The following MELK variants were observed in gnomAD, a reference collection of about 807,000 sequenced individuals.
MELK encodes the protein maternal embryonic leucine zipper kinase.
A neutral mutation model predicts 85.0 loss-of-function variants in MELK; 81 were observed. The ratio of observed to expected loss-of-function variants is 0.95; its 90% confidence interval spans 0.80 to 1.15. MELK has a LOEUF of 1.15. Among genes scored for constraint, MELK ranks in the 50% most tolerant of loss-of-function variants. The pLI is 0.00. For missense variants in MELK, 754 were observed against 777.5 expected (o/e 0.97, Z 0.36); for synonymous variants, 252 against 265.0 (o/e 0.95, Z 0.48).
chr9:36,634,109 A>G (rs1828890471), intron 10 of MELK, among the ~76,000 whole-genome samples: 1 of 152,372 alleles, frequency 6.6e-6, no homozygotes, highest in East Asian at 1.9e-4. Context: ...GAGTTATGCA[A>G]ATCTTCCAAA....
intron 11 of MELK, among the ~76,000 whole-genome samples, chr9:36,644,340 A>G (rs938656404): frequency 5.3e-5 from 8 of 151,950 alleles, no homozygotes; most frequent in African/African-American, 1.9e-4. Context: ...TATGTCTTCT[A>G]TCACCTGTGA....
intron 4 of MELK, among the ~76,000 whole-genome samples, chr9:36,593,505 G>C (rs1823856739): frequency 6.6e-6 from 1 of 152,152 alleles, no homozygotes; most frequent in Non-Finnish European, 1.5e-5. Context: ...CTTGATGTTA[G>C]ACTTCCCGGC....
chr9:36,619,697 C>T (rs1311471462), intron 8 of MELK, among the ~76,000 whole-genome samples: 1 of 152,256 alleles, frequency 6.6e-6, no homozygotes, highest in South Asian at 2.1e-4. Context: ...CTTCTGCAGG[C>T]CAGGTCTAAG....
chr9:36,633,266 C>A, intron 10 of MELK, 66 bp downstream of exon 10: 3 of 1,094,628 alleles, frequency 2.7e-6, no homozygotes, highest in African/African-American at 1.6e-5. Context: ...GAATTCAGAA[C>A]CTACAATGAT....
chr9:36,665,383 G>A lies in MELK; in HGVS notation c.1210G>A (p.Glu404Lys). The change falls in exon 14 of 18, where the codon GAA (glutamate) becomes AAA (lysine). Residue 404 changes from glutamate to lysine, a missense_variant. Transcript: ENST00000298048. Reference protein sequence around the residue: ...TKYWTESNGVESKSLTPALCR... With the variant: ...TKYWTESNGVKSKSLTPALCR... Reference sequence around the variant, plus strand: ...GTACTGGACAGAATCAAATGGGGTGGAATCTAAATCATTAACTCCAGCCTT... The same window carrying A: ...GTACTGGACAGAATCAAATGGGGTGAAATCTAAATCATTAACTCCAGCCTT... 1 of 1,613,120 alleles carries A rather than the reference G, an allele frequency of 6.2e-7. No homozygotes were observed. Among genetic ancestry groups the A allele is most frequent in the Non-Finnish European group, 8.5e-7 (1 of 1,179,604 alleles).
intron 13 of MELK, among the ~76,000 whole-genome samples, chr9:36,659,860 C>T (rs1406862682): frequency 2.0e-5 from 3 of 152,156 alleles, no homozygotes; most frequent in Admixed American, 6.5e-5. Context: ...AGTGCAATGG[C>T]ACGATCTCAG....
chr9:36,582,745 G>A (rs908314397), intron 2 of MELK, among the ~76,000 whole-genome samples: 1 of 152,116 alleles, frequency 6.6e-6, no homozygotes, highest in Non-Finnish European at 1.5e-5. Context: ...GGGATTTATT[G>A]ATGGGTTGGA....
intron 8 of MELK, among the ~76,000 whole-genome samples, chr9:36,612,927 T>C (rs1230412757): frequency 6.6e-6 from 1 of 152,210 alleles, no homozygotes; most frequent in East Asian, 1.9e-4. Context: ...AACTAACATA[T>C]AACATTTAAC....
intron 10 of MELK, among the ~76,000 whole-genome samples, chr9:36,638,595 C>T (rs996215579): frequency 6.6e-6 from 1 of 152,014 alleles, no homozygotes; most frequent in African/African-American, 2.4e-5. Flanking sequence ...TCCCTTACAT[C>T]TTAATTTAAT....
intron 1 of MELK, among the ~76,000 whole-genome samples, chr9:36,578,746 A>C (rs944100290): frequency 1.1e-4 from 17 of 152,148 alleles, no homozygotes; most frequent in Admixed American, 4.6e-4. Flanking sequence ...GATTTTCTCA[A>C]TTCTCATCCT....
chr9:36,611,473 T>C (rs1435024042), intron 8 of MELK, among the ~76,000 whole-genome samples: 1 of 152,206 alleles, frequency 6.6e-6, no homozygotes, highest in Non-Finnish European at 1.5e-5. Flanking sequence ...GATTTAATTC[T>C]TCCTAACCAT....
chr9:36,644,611 T>G (rs892216743), intron 11 of MELK, among the ~76,000 whole-genome samples: 2 of 152,220 alleles, frequency 1.3e-5, no homozygotes, highest in Non-Finnish European at 2.9e-5. Flanking sequence ...GTCCTCAGTC[T>G]TTCATTAGTG....
rs575835221 is a variant in MELK, at chr9:36,621,178, A to G, written c.667-9121A>G. 5.1e-3 allele frequency among the ~76,000 whole-genome samples: 754 copies of G among 148,516 alleles called. 7 individuals are homozygous for G. Among genetic ancestry groups the G allele is most frequent in the Admixed American group, 8.2e-3 (120 of 14,622 alleles). On this transcript the variant is annotated intron_variant, in intron 8 of 17. Coordinates refer to ENST00000298048, the MANE Select transcript of MELK (RefSeq NM_014791.4). ...TCCTAGGTACTCAGGAGGCTGAAGC[A>G]GGAGAATTGCTTGAACCTGGGAGGC...
At chr9:36,642,418 C>CT (rs34671966) in intron 10 of MELK, among the ~76,000 whole-genome samples, 3,080 of 84,748 alleles carry the variant, frequency 0.036, 507 homozygotes, top group African/African-American at 0.073. Context: ...TACAACAGAA[C>CT]TTTTTTTTTT....
chr9:36,611,645 GTTTC>G (rs1453011126), intron 8 of MELK, among the ~76,000 whole-genome samples: 3 of 151,994 alleles, frequency 2.0e-5, no homozygotes, highest in Non-Finnish European at 4.4e-5. Flanking sequence ...CTGTGTCTTA[GTTTC>G]TTTGTCTGTA....
At chr9:36,584,900 C>G (rs999006927) in intron 3 of MELK, among the ~76,000 whole-genome samples, 1 of 151,898 alleles carries the variant, frequency 6.6e-6, no homozygotes, top group Non-Finnish European at 1.5e-5. Flanking sequence ...AAACATTTTT[C>G]TAGAAACAAG....
At position 36,581,752 on chromosome 9, in the gene MELK, T is replaced by A; in HGVS notation, c.58+13T>A. The A allele has an allele frequency of 6.3e-7, 1 of 1,582,418 alleles. No individual in the cohort carries two copies. Among genetic ancestry groups the A allele is most frequent in the Non-Finnish European group, 8.7e-7 (1 of 1,153,184 alleles). On this transcript the variant is annotated intron_variant, in intron 2 of 17. Coordinates refer to ENST00000298048, the MANE Select transcript of MELK (RefSeq NM_014791.4). ...ACTATTGGGACAGGTAATTGTTATT[T>A]TTTTTTGGAGGCAGTGGATAGATCA...
chr9:36,577,775 C>G (rs185743034), intron 1 of MELK, among the ~76,000 whole-genome samples: 1 of 152,236 alleles, frequency 6.6e-6, no homozygotes, highest in Non-Finnish European at 1.5e-5. Context: ...CCTCAGCCTC[C>G]CTAGTAGCTG....
Position 36,607,576 on chromosome 9 carries a change from C to A in MELK, c.569C>A (p.Ala190Glu). Residue 190 changes from alanine to glutamate, a missense_variant and splice_region_variant, in exon 8 of 18, where the codon GCA (alanine) becomes GAA (glutamate). Ala to Glu is a moderately radical substitution (Grantham distance 107). Coordinates refer to ENST00000298048, the MANE Select transcript of MELK (RefSeq NM_014791.4). ...TTTCTTTTTCCCTCTTTCTCTCAGG[C>A]AGATGTTTGGAGCATGGGCATACTG... ...IQGKSYLGSE[A>E]DVWSMGILLY... 1 of 1,604,752 alleles carries A rather than the reference C, an allele frequency of 6.2e-7. No homozygotes were observed. Among genetic ancestry groups the A allele is most frequent in the Non-Finnish European group, 8.5e-7 (1 of 1,173,346 alleles).
Sources: allele counts gnomAD v4.1 joint callset (sites outside exome capture counted in the v4.1 genomes callset), GRCh38; gene constraint gnomAD v4.1.1; transcripts MANE v1.5; gene names NCBI Gene and HGNC (gene_info 2026-07-23, HGNC 2026-07-21).